The following TRIP12 variants were observed in gnomAD, a reference collection of about 807,000 sequenced individuals.
TRIP12 encodes E3 ubiquitin-protein ligase TRIP12.
TRIP12 carries 25 observed loss-of-function variants against 244.2 expected under a neutral mutation model. That is an observed-to-expected ratio of 0.10 (90% confidence interval 0.07 to 0.14). The LOEUF (loss-of-function observed/expected upper bound fraction) is 0.14, where lower values mean the gene tolerates loss of function less well. Among genes scored for constraint, TRIP12 ranks in the 10% least tolerant of loss-of-function variants. TRIP12 has a pLI of 1.00. For synonymous variants in TRIP12, 905 were observed against 873.1 expected, an observed-to-expected ratio of 1.04 and a Z score of -0.64; for missense variants, 1,677 against 2,486.4, an observed-to-expected ratio of 0.67 and a Z score of 6.92.
At chr2:229,798,123 T>TA (rs1345400438) in intron 23 of TRIP12, among the ~76,000 whole-genome samples, 1 of 152,238 alleles carries the variant, frequency 6.6e-6, no homozygotes, top group African/African-American at 2.4e-5. Context: ...GTGTTCCCTT[T>TA]ACTTCCTAAA....
At chr2:229,845,442 T>C (rs544349253) in intron 4 of TRIP12, among the ~76,000 whole-genome samples, 2 of 152,198 alleles carry the variant, frequency 1.3e-5, no homozygotes, top group Admixed American at 1.3e-4. Context: ...TGAAGAAGAA[T>C]ATGTGGCAAA....
At position 229,765,064 on chromosome 2, in the gene TRIP12, G is replaced by T. The variant is rs944692703; in HGVS notation, c.*2490C>A. The T allele has an allele frequency of 1.3e-5, 2 of 152,134 alleles. No homozygotes were observed. Among genetic ancestry groups the T allele is most frequent in the African/African-American group, 4.8e-5 (2 of 41,426 alleles). The allele number at this position is 152,134 out of a possible 1,614,324, so 9.4% of individuals were successfully genotyped here. On this transcript the variant is annotated 3_prime_UTR_variant, in exon 42 of 42. Transcript: ENST00000675903. ...GTTTTCTGGGGGGATAGGAAGAGGG[G>T]ATTACATTTAGCTACCTCTTCCTTC...
chr2:229,845,704 T>C (rs897317237), intron 4 of TRIP12, among the ~76,000 whole-genome samples: 1 of 152,154 alleles, frequency 6.6e-6, no homozygotes, highest in Admixed American at 6.6e-5. Flanking sequence ...TATAGGCATA[T>C]CAGGGGATGA....
Position 229,851,520 on chromosome 2 carries a change from C to T in TRIP12, c.1027+7252G>A, listed in dbSNP as rs193080803. ...GGCCAGATAAGAGAATAAAAGCAGG[C>T]TGCCCGAGCCAGCAGTGGCAACCCG... On this transcript the variant is annotated intron_variant, in intron 4 of 41. Coordinates refer to ENST00000675903, the MANE Select transcript of TRIP12 (RefSeq NM_001348323.3). 2.3e-4 allele frequency among the ~76,000 whole-genome samples: 35 copies of T among 152,266 alleles called. 2 individuals carry two copies. In the East Asian group the frequency reaches 4.1e-3, roughly 18 times the overall value.
At chr2:229,879,908 G>A (rs978648510) in intron 2 of TRIP12, 74 bp downstream of exon 2, 4 of 1,524,992 alleles carry the variant, frequency 2.6e-6, no homozygotes, top group Non-Finnish European at 3.6e-6. Context: ...TCAAGTTTTG[G>A]ACCTCGCAAG....
chr2:229,773,935 A>G, intron 38 of TRIP12, 162 bp downstream of exon 38: 1 of 640,366 alleles, frequency 1.6e-6, no homozygotes, highest in Non-Finnish European at 2.7e-6. Context: ...TGTGCACTCA[A>G]GAGCAAAGAG....
At chr2:229,876,402 A>G (rs1168212394) in intron 2 of TRIP12, among the ~76,000 whole-genome samples, 1 of 152,190 alleles carries the variant, frequency 6.6e-6, no homozygotes, top group African/African-American at 2.4e-5. Flanking sequence ...TATTTAGAAG[A>G]GCCAGCATCT....
intron 8 of TRIP12, among the ~76,000 whole-genome samples, chr2:229,823,769 T>C (rs2050752902): frequency 6.6e-6 from 1 of 151,966 alleles, no homozygotes; most frequent in Non-Finnish European, 1.5e-5. Flanking sequence ...GGAGGATCAC[T>C]TGAGGCCAAG....
chr2:229,810,742 A>T, intron 15 of TRIP12, 138 bp downstream of exon 15: 1 of 801,294 alleles, frequency 1.2e-6, no homozygotes. Context: ...CAAATTTATT[A>T]CATATTAACA....
intron 1 of TRIP12, among the ~76,000 whole-genome samples, chr2:229,907,257 A>C (rs2073106066): frequency 6.6e-6 from 1 of 152,240 alleles, no homozygotes; most frequent in South Asian, 2.1e-4. Flanking sequence ...GTGCTAGGTA[A>C]GAACTTCATT....
rs760902467 is a variant in TRIP12 at position 229,793,164 on chromosome 2, A to G, written c.3969-19T>C. 5.0e-6 allele frequency: 8 copies of G among 1,601,182 alleles called. No individual in the cohort carries two copies. The highest frequency in any genetic ancestry group is 6.8e-6 in the Non-Finnish European group (8 of 1,175,364). The stretch of plus-strand genomic sequence containing the variant: ...AGAAAAGCTCAAGATAATTTGTGAA[A>G]AAAAAGTTAGTCTATTATTTTCACA... On this transcript the variant is annotated intron_variant, in intron 26 of 41. Coordinates refer to ENST00000675903, the MANE Select transcript of TRIP12 (RefSeq NM_001348323.3).
chr2:229,864,047 A>AGAGAGAGAGAGAGTGTGAGTGTGT, intron 2 of TRIP12, among the ~76,000 whole-genome samples: 1 of 79,320 alleles, frequency 1.3e-5, no homozygotes, highest in Non-Finnish European at 2.5e-5. Flanking sequence ...AGAGAGAGAG[A>AGAGAGAGAGAGAGTGTGAGTGTGT]GTGTGTGTGT....
intron 1 of TRIP12, among the ~76,000 whole-genome samples, chr2:229,882,804 G>C (rs1418621864): frequency 2.6e-5 from 4 of 152,156 alleles, no homozygotes; most frequent in Non-Finnish European, 5.9e-5. Flanking sequence ...TTTTGACCTA[G>C]AGTCACCTAG....
chr2:229,892,374 T>C (rs549614658), intron 1 of TRIP12, among the ~76,000 whole-genome samples: 49 of 152,266 alleles, frequency 3.2e-4, no homozygotes, highest in African/African-American at 1.1e-3. Flanking sequence ...TACACCTAAA[T>C]GTCAACAGTG....
intron 13 of TRIP12, among the ~76,000 whole-genome samples, chr2:229,812,677 G>A (rs868675101): frequency 4.7e-4 from 71 of 152,048 alleles, no homozygotes; most frequent in African/African-American, 5.1e-4. Flanking sequence ...GTGGTGGCAC[G>A]CAACTGTAAT....
At position 229,830,737 on chromosome 2, in the gene TRIP12, G is replaced by A. The variant is rs1026245883; in HGVS notation, c.1354+19C>T. The A allele has an allele frequency of 6.2e-7, 1 of 1,604,398 alleles. No homozygotes were observed. Among genetic ancestry groups the A allele is most frequent in the Non-Finnish European group, 8.5e-7 (1 of 1,171,488 alleles). On this transcript the variant is annotated intron_variant, in intron 7 of 41. Transcript: ENST00000675903. ...AGCTCATGGTAATGGTTTCTTATAG[G>A]CTCAATAACTGTTTTTACCTTGCAA... is the stretch of plus-strand genomic sequence containing the variant.
rs1013901697 is a variant in TRIP12 at position 229,838,983 on chromosome 2, G to T, written c.1133+1839C>A. 3.9e-5 allele frequency among the ~76,000 whole-genome samples: 6 copies of T among 152,306 alleles called. 1 individual carries two copies. In the South Asian group the frequency reaches 1.2e-3, roughly 32 times the overall value. The stretch of plus-strand genomic sequence containing the variant: ...AAGACCTTTCTGCTAACCTGAGTGG[G>T]AAAACGTAAGCTAAAATCATTCCCC... On this transcript the variant is annotated intron_variant, in intron 5 of 41. Coordinates refer to ENST00000675903, the MANE Select transcript of TRIP12 (RefSeq NM_001348323.3).
At position 229,767,410 on chromosome 2, in the gene TRIP12, A is replaced by G; in HGVS notation, c.*144T>C. ...ATGGGGCCATTAATGAATATCAACC[A>G]AATGTCTCTTTATAATCTGCAAGCC... On this transcript the variant is annotated 3_prime_UTR_variant, in exon 42 of 42. Transcript: ENST00000675903. The G allele has an allele frequency of 1.0e-6, 1 of 967,040 alleles. No individual in the cohort carries two copies. The highest frequency in any genetic ancestry group is 1.4e-6 in the Non-Finnish European group (1 of 693,016). 59.9% of individuals were successfully genotyped at this position (967,040 alleles called of 1,614,324 possible). A position where few individuals can be genotyped will look rare whatever the true frequency, so the allele number is the denominator to read the frequency against.
At chr2:229,916,060 G>A (rs867744091) in intron 1 of TRIP12, among the ~76,000 whole-genome samples, 6 of 152,286 alleles carry the variant, frequency 3.9e-5, no homozygotes, top group Middle Eastern at 3.4e-3. Flanking sequence ...TAACAAATGA[G>A]GCAATGGTCC....
Sources: allele counts gnomAD v4.1 joint callset (sites outside exome capture counted in the v4.1 genomes callset), GRCh38; gene constraint gnomAD v4.1.1; transcripts MANE v1.5; gene names NCBI Gene and HGNC (gene_info 2026-07-23, HGNC 2026-07-21).